SLC1A1: variants seen among roughly 807,000 people sequenced by gnomAD.
SLC1A1 encodes excitatory amino acid transporter 3.
In SLC1A1, 43 loss-of-function variants were observed where a neutral mutation model predicts 53.3. That is an observed-to-expected ratio of 0.81 (90% CI 0.63 to 1.04). The LOEUF is 1.04. SLC1A1 is among the 50% of genes least tolerant of loss of function. The probability of loss-of-function intolerance (pLI) is 0.00; values close to 1 mark genes in which losing one functional copy is unlikely to be tolerated. For synonymous variants in SLC1A1, 307 were observed against 243.2 expected, an observed-to-expected ratio of 1.26 and a Z score of -2.44; for missense variants, 748 against 664.9, an observed-to-expected ratio of 1.12 and a Z score of -1.37.
chr9:4,532,823 G>T (rs568109604), intron 1 of SLC1A1, among the ~76,000 whole-genome samples: 5 of 152,088 alleles, frequency 3.3e-5, no homozygotes, highest in African/African-American at 1.2e-4. Context: ...GAAAGGTCGG[G>T]TTACCCACAA....
chr9:4,540,814 A>G (rs1330784338), intron 1 of SLC1A1, among the ~76,000 whole-genome samples: 1 of 152,190 alleles, frequency 6.6e-6, no homozygotes, highest in Admixed American at 6.5e-5. Flanking sequence ...TGGAAATGAG[A>G]TAATGTGATC....
chr9:4,530,697 T>C (rs564479248), intron 1 of SLC1A1, among the ~76,000 whole-genome samples: 1 of 152,260 alleles, frequency 6.6e-6, no homozygotes, highest in East Asian at 1.9e-4. Flanking sequence ...CGGAAAACAT[T>C]TTTATTGCTT....
At chr9:4,558,685 T>C (rs1385429547) in intron 2 of SLC1A1, among the ~76,000 whole-genome samples, 1 of 152,206 alleles carries the variant, frequency 6.6e-6, no homozygotes, top group Non-Finnish European at 1.5e-5. Flanking sequence ...ATTATCCACA[T>C]AGATTTAATT....
In SLC1A1 at chr9:4,490,713, A is replaced by T; in HGVS notation, c.34A>T (p.Lys12Ter). The change falls in exon 1 of 12, where the codon AAG becomes TAG. Residue 12 changes from lysine (K) to a stop codon, truncating the protein, a stop_gained. Coordinates refer to ENST00000262352, the MANE Select transcript of SLC1A1 (RefSeq NM_004170.6). LOFTEE classifies it high-confidence loss of function. ...ACCGGCGAGGAAAGGATGCGAGTGGAAGCGCTTCCTGAAGAATAACTGGGT... is the reference window on the plus strand; with the variant it reads ...ACCGGCGAGGAAAGGATGCGAGTGGTAGCGCTTCCTGAAGAATAACTGGGT... ...GKPARKGCEW[K>*]RFLKNNWVLL... 1 of 1,612,836 alleles carries T rather than the reference A, an allele frequency of 6.2e-7. No homozygotes were observed. Among genetic ancestry groups the T allele is most frequent in the Non-Finnish European group, 8.5e-7 (1 of 1,179,116 alleles).
chr9:4,545,660 G>C (rs1312899987), intron 2 of SLC1A1, among the ~76,000 whole-genome samples: 1 of 152,204 alleles, frequency 6.6e-6, no homozygotes, highest in Non-Finnish European at 1.5e-5. Flanking sequence ...CAAGTTCTGT[G>C]AGAAGGGTTT....
chr9:4,558,441 G>A (rs544543850), intron 2 of SLC1A1, among the ~76,000 whole-genome samples: 2 of 152,286 alleles, frequency 1.3e-5, no homozygotes, highest in South Asian at 2.1e-4. Flanking sequence ...GTGGATTAGA[G>A]GAATGGGAAA....
Position 4,556,758 on chromosome 9 carries a change from G to C in SLC1A1, c.233-4691G>C, listed in dbSNP as rs1818433299. The stretch of plus-strand genomic sequence containing the variant: ...CAATATCGTCCCCAAGGCAGCAAAA[G>C]CTGTTTTTATTTGGTGGTGGTGAGT... On this transcript the variant is annotated intron_variant, in intron 2 of 11. Coordinates refer to ENST00000262352, the MANE Select transcript of SLC1A1 (RefSeq NM_004170.6). The surrounding 1 kb of genome is among the most constrained non-coding windows in gnomAD (Gnocchi z 4.1). Among the ~76,000 whole-genome samples, 1 of 152,154 alleles carries C rather than the reference G, an allele frequency of 6.6e-6. No individual in the cohort carries two copies. Among genetic ancestry groups the C allele is most frequent in the African/African-American group, 2.4e-5 (1 of 41,430 alleles).
intron 1 of SLC1A1, among the ~76,000 whole-genome samples, chr9:4,528,030 C>G (rs563230833): frequency 3.3e-5 from 5 of 152,228 alleles, no homozygotes; most frequent in African/African-American, 1.2e-4. Flanking sequence ...TCTCGTCACC[C>G]CCTAGTTTTT....
At chr9:4,517,124 G>T (rs560499575) in intron 1 of SLC1A1, among the ~76,000 whole-genome samples, 1 of 152,046 alleles carries the variant, frequency 6.6e-6, no homozygotes, top group Non-Finnish European at 1.5e-5. Context: ...AAAGTGTTTG[G>T]GCCTTAGGCA....
At chr9:4,501,339 T>C (rs577725907) in intron 1 of SLC1A1, among the ~76,000 whole-genome samples, 2 of 151,420 alleles carry the variant, frequency 1.3e-5, no homozygotes, top group East Asian at 3.9e-4. Flanking sequence ...GTTGAAGCAA[T>C]AGCAGACTTT....
At chr9:4,561,764 G>A (rs749478917) in intron 3 of SLC1A1, among the ~76,000 whole-genome samples, 7 of 152,024 alleles carry the variant, frequency 4.6e-5, no homozygotes, top group South Asian at 2.1e-4. Context: ...GGTAACATGC[G>A]CCTGTAGTCC....
intron 10 of SLC1A1, 89 bp downstream of exon 10, chr9:4,576,852 C>G (rs890965833): frequency 5.5e-6 from 6 of 1,100,258 alleles, no homozygotes; most frequent in Middle Eastern, 2.9e-4. Flanking sequence ...AAGAATGTCG[C>G]AGTGATGAAT....
intron 2 of SLC1A1, among the ~76,000 whole-genome samples, chr9:4,550,472 T>C (rs1271185199): frequency 2.0e-5 from 3 of 152,172 alleles, no homozygotes; most frequent in Non-Finnish European, 4.4e-5. Context: ...CTCACTGTAG[T>C]CTTGAACTCC....
intron 1 of SLC1A1, among the ~76,000 whole-genome samples, chr9:4,492,263 T>A (rs1172502532): frequency 6.6e-6 from 1 of 152,202 alleles, no homozygotes; most frequent in East Asian, 1.9e-4. Context: ...AGAGAAGAGA[T>A]GGCCTTGTTT....
At chr9:4,582,535 C>CCATGCCCTTAAGT (rs1474300549) in intron 10 of SLC1A1, among the ~76,000 whole-genome samples, 2 of 152,216 alleles carry the variant, frequency 1.3e-5, no homozygotes, top group Non-Finnish European at 2.9e-5. Context: ...AACTATCCTT[C>CCATGCCCTTAAGT]TGTCCATCCT....
At chr9:4,508,353 G>C (rs937097782) in intron 1 of SLC1A1, among the ~76,000 whole-genome samples, 6 of 152,290 alleles carry the variant, frequency 3.9e-5, no homozygotes, top group South Asian at 4.2e-4. Flanking sequence ...GAGAGTGAGA[G>C]TCTGGTTGTC....
chr9:4,534,512 C>G (rs931423899), intron 1 of SLC1A1, among the ~76,000 whole-genome samples: 3 of 151,950 alleles, frequency 2.0e-5, no homozygotes, highest in Admixed American at 6.6e-5. Context: ...ACTAAACCAG[C>G]AAGAAGTTGA....
intron 2 of SLC1A1, chr9:4,559,883 A>G (rs1466267266): frequency 1.3e-5 from 2 of 152,178 alleles, no homozygotes; most frequent in East Asian, 1.9e-4. Flanking sequence ...TCCAAGTCCA[A>G]TTGGAGAACG....
At chr9:4,567,266 G>A (rs1337529356) in intron 5 of SLC1A1, among the ~76,000 whole-genome samples, 1 of 152,212 alleles carries the variant, frequency 6.6e-6, no homozygotes, top group Non-Finnish European at 1.5e-5. Flanking sequence ...TCAAAGTAAT[G>A]AAGTGTGTTT....
Sources: gnomAD v4.1 joint callset for allele counts (sites outside exome capture counted in the v4.1 genomes callset) on GRCh38, gnomAD v4.1.1 for gene constraint, Gnocchi (gnomAD v3.1) non-coding constraint, MANE v1.5 for transcripts, NCBI Gene and HGNC (gene_info 2026-07-23, HGNC 2026-07-21) for gene names.